Variants in ZSCAN5A observed in about 807,000 individuals in gnomAD.
ZSCAN5A encodes the protein zinc finger and SCAN domain-containing protein 5A.
In ZSCAN5A, 12 loss-of-function variants were observed where a neutral mutation model predicts 23.7. That is an observed-to-expected ratio of 0.51 (90% CI 0.32 to 0.82). The LOEUF is 0.82. Among genes scored for constraint, ZSCAN5A ranks in the 40% least tolerant of loss-of-function variants. The pLI, the probability that ZSCAN5A is intolerant of heterozygous loss-of-function variation, is 0.03. For missense variants in ZSCAN5A, 597 were observed against 617.9 expected (o/e 0.97, Z 0.36); for synonymous variants, 257 against 239.9 (o/e 1.07, Z -0.66).
At chr19:56,345,862 T>C (rs1344699567) in intron 2 of ZSCAN5A, among the ~76,000 whole-genome samples, 1 of 152,244 alleles carries the variant, frequency 6.6e-6, no homozygotes, top group African/African-American at 2.4e-5. Context: ...GAGTAGACTT[T>C]GTTGTGATAA....
At position 56,246,703 on chromosome 19, in the gene ZSCAN5A, C is replaced by G. The variant is rs1156996221; in HGVS notation, c.-127-21530G>C. The G allele has an allele frequency of 3.7e-6, 4 of 1,078,402 alleles. No individual in the cohort carries two copies. In the East Asian group the frequency reaches 9.4e-5, roughly 25 times the overall value. The allele number at this position is 1,078,402 out of a possible 1,614,324, so 66.8% of individuals were successfully genotyped here. A position where few individuals can be genotyped will look rare whatever the true frequency, so the allele number is the denominator to read the frequency against. On this transcript the variant is annotated intron_variant, in intron 2 of 5. Coordinates refer to ENST00000683990, the MANE Select transcript of ZSCAN5A (RefSeq NM_001322064.3). The stretch of plus-strand genomic sequence containing the variant: ...GTGTATTGAAAATGTACCTTATTAA[C>G]TGTTGTGTGTGGAATCCCTTCTTCC...
intron 2 of ZSCAN5A, among the ~76,000 whole-genome samples, chr19:56,252,822 T>C (rs988760772): frequency 6.6e-6 from 1 of 152,012 alleles, no homozygotes; most frequent in African/African-American, 2.4e-5. Flanking sequence ...CCAAGGCTGG[T>C]GGCTGGAGTA....
rs201814043 is a variant in ZSCAN5A, at chr19:56,222,012, C to A, written c.1054G>T (p.Ala352Ser). Residue 352 changes from alanine (A) to serine (S), a missense_variant, in exon 6 of 6, where the codon GCA (alanine) becomes TCA (serine). Transcript: ENST00000683990. ...ACGTCACATGCAAAGGGCGGCAGTG[C>A]CTTGGCTTCTTGGCCATCCGGGTGA... Reference protein sequence around the residue: ...VSHPDGQEAKALPPFACDVCE... With the variant: ...VSHPDGQEAKSLPPFACDVCE... The A allele has an allele frequency of 2.5e-6, 4 of 1,614,200 alleles. No homozygotes were observed. In the African/African-American group the frequency reaches 5.3e-5, roughly 22 times the overall value.
intron 2 of ZSCAN5A, among the ~76,000 whole-genome samples, chr19:56,305,408 T>G (rs1176797793): frequency 6.6e-6 from 1 of 152,200 alleles, no homozygotes; most frequent in African/African-American, 2.4e-5. Flanking sequence ...GTATACCTTG[T>G]ATCAGGACTG....
chr19:56,347,680 T>G (rs1348967606), intron 2 of ZSCAN5A: 3 of 152,312 alleles, frequency 2.0e-5, no homozygotes, highest in African/African-American at 4.8e-5. Context: ...TATCCCGTAA[T>G]TCAGTTGAGG....
At chr19:56,226,989 C>T (rs563006535) in intron 2 of ZSCAN5A, among the ~76,000 whole-genome samples, 1 of 152,242 alleles carries the variant, frequency 6.6e-6, no homozygotes, top group Admixed American at 6.5e-5. Context: ...CAGTGGAACT[C>T]ATAGTAGTAG....
At chr19:56,307,510 T>C (rs1600251639) in intron 2 of ZSCAN5A, among the ~76,000 whole-genome samples, 1 of 152,250 alleles carries the variant, frequency 6.6e-6, no homozygotes, top group East Asian at 1.9e-4. Flanking sequence ...TTACTTATTA[T>C]GAAGTGAGGT....
intron 2 of ZSCAN5A, among the ~76,000 whole-genome samples, chr19:56,292,607 G>A (rs921318084): frequency 2.4e-4 from 37 of 151,910 alleles, no homozygotes; most frequent in African/African-American, 8.2e-4. Flanking sequence ...TAAAGTGTGC[G>A]ATTTAGTGGC....
At chr19:56,302,910 G>A in intron 2 of ZSCAN5A, 1 of 398,606 alleles carries the variant, frequency 2.5e-6, no homozygotes, top group Non-Finnish European at 4.4e-6. Context: ...CCTTCAAGAA[G>A]GTCCTAATTC....
chr19:56,347,105 C>T (rs2041639203), intron 2 of ZSCAN5A: 1 of 152,154 alleles, frequency 6.6e-6, no homozygotes, highest in African/African-American at 2.4e-5. Context: ...CTTTATTAGC[C>T]AGAGACCGAG....
At chr19:56,236,994 G>C (rs2034985525) in intron 2 of ZSCAN5A, among the ~76,000 whole-genome samples, 1 of 152,264 alleles carries the variant, frequency 6.6e-6, no homozygotes, top group Non-Finnish European at 1.5e-5. Context: ...CTGGTCGCAG[G>C]TCAGTCCTTC....
intron 2 of ZSCAN5A, chr19:56,320,580 C>T: frequency 1.8e-6 from 1 of 548,690 alleles, no homozygotes. Context: ...CCATTGCACT[C>T]CAGCCTGGGT....
intron 2 of ZSCAN5A, chr19:56,280,817 C>T (rs2038636467): frequency 6.6e-6 from 1 of 152,132 alleles, no homozygotes; most frequent in African/African-American, 2.4e-5. Context: ...GACCTAAATA[C>T]CTCCCATTAG....
chr19:56,222,387 T>C (rs781221043), intron 5 of ZSCAN5A, 61 bp from the exon 6 acceptor site: 42 of 1,587,130 alleles, frequency 2.6e-5, no homozygotes, highest in African/African-American at 8.1e-5. Flanking sequence ...ACCAAACTCA[T>C]TGCAACCAAA....
chr19:56,255,298 G>A (rs902582006), intron 2 of ZSCAN5A, among the ~76,000 whole-genome samples: 13 of 152,138 alleles, frequency 8.5e-5, no homozygotes, highest in Non-Finnish European at 2.9e-5. Flanking sequence ...TCAATATTGA[G>A]CAAAGCGTGG....
chr19:56,310,489 G>GA (rs34832603), intron 2 of ZSCAN5A: 4 of 152,276 alleles, frequency 2.6e-5, no homozygotes, highest in Non-Finnish European at 5.9e-5. Context: ...GCCCAACACT[G>GA]AAAACTAACA....
intron 2 of ZSCAN5A, chr19:56,320,589 G>T (rs2041365237): frequency 3.5e-6 from 2 of 570,676 alleles, no homozygotes; most frequent in Non-Finnish European, 6.4e-6. Context: ...TCCAGCCTGG[G>T]TGACAAGAGC....
intron 2 of ZSCAN5A, chr19:56,228,122 G>T (rs1462621537): frequency 3.5e-6 from 2 of 566,694 alleles, no homozygotes; most frequent in Non-Finnish European, 4.5e-6. Flanking sequence ...TAATCATGGG[G>T]TGCAAAGGAG....
chr19:56,297,577 T>C (rs554667149), intron 2 of ZSCAN5A: 1 of 953,900 alleles, frequency 1.0e-6, no homozygotes, highest in South Asian at 4.8e-5. Context: ...AGACAGTGTG[T>C]CCCTTCTGTC....
Sources: gnomAD v4.1 joint callset for allele counts (sites outside exome capture counted in the v4.1 genomes callset) on GRCh38, gnomAD v4.1.1 for gene constraint, MANE v1.5 for transcripts, NCBI Gene and HGNC (gene_info 2026-07-23, HGNC 2026-07-21) for gene names.